ULK4: variants seen among roughly 807,000 people sequenced by gnomAD.
ULK4 encodes the protein unc-51 like kinase 4, also known as inactive serine/threonine-protein kinase ULK4.
A neutral mutation model predicts 160.6 loss-of-function variants in ULK4; 133 were observed. That is an observed-to-expected ratio of 0.83 (90% CI 0.72 to 0.96). The LOEUF (loss-of-function observed/expected upper bound fraction) is 0.96, where lower values mean the gene tolerates loss of function less well. ULK4 is among the 40% of genes least tolerant of loss of function. The pLI is 0.00. For missense variants in ULK4, 1,580 were observed against 1,499.5 expected (o/e 1.05, Z -0.89); for synonymous variants, 534 against 539.8 (o/e 0.99, Z 0.15).
At chr3:41,823,325 G>T (rs2041213097) in intron 18 of ULK4, among the ~76,000 whole-genome samples, 1 of 152,174 alleles carries the variant, frequency 6.6e-6, no homozygotes. Context: ...GAGTGAGTAG[G>T]AAGATAGTGA....
At chr3:41,645,405 T>C (rs1342791477) in intron 30 of ULK4, among the ~76,000 whole-genome samples, 2 of 152,144 alleles carry the variant, frequency 1.3e-5, no homozygotes, top group East Asian at 1.9e-4. Flanking sequence ...TTTGTTCTCG[T>C]TGGTTTCAAA....
intron 28 of ULK4, 49 bp from the exon 29 acceptor site, chr3:41,681,701 T>A (rs969175984): frequency 1.2e-6 from 2 of 1,613,656 alleles, no homozygotes; most frequent in Non-Finnish European, 1.7e-6. Flanking sequence ...GGAGACAGAA[T>A]GAAAATAGAA....
intron 17 of ULK4, among the ~76,000 whole-genome samples, chr3:41,837,448 C>A (rs552793848): frequency 5.9e-4 from 90 of 152,116 alleles, no homozygotes; most frequent in African/African-American, 2.0e-3. Flanking sequence ...CATGTATTTT[C>A]TAAATTTTAT....
intron 32 of ULK4, among the ~76,000 whole-genome samples, chr3:41,477,979 T>G (rs2084197414): frequency 6.6e-6 from 1 of 152,222 alleles, no homozygotes; most frequent in Non-Finnish European, 1.5e-5. Flanking sequence ...CAAGACCACA[T>G]AGGTGTCTAC....
intron 32 of ULK4, among the ~76,000 whole-genome samples, chr3:41,482,853 G>A (rs965966489): frequency 6.6e-6 from 1 of 152,024 alleles, no homozygotes; most frequent in Non-Finnish European, 1.5e-5. Flanking sequence ...GTGTTGTTCA[G>A]ATTTTTTTAA....
At chr3:41,372,082 A>T (rs1164059241) in intron 35 of ULK4, among the ~76,000 whole-genome samples, 1 of 151,996 alleles carries the variant, frequency 6.6e-6, no homozygotes, top group African/African-American at 2.4e-5. Flanking sequence ...AAGTGTGAAG[A>T]CAAGATTAGA....
intron 32 of ULK4, among the ~76,000 whole-genome samples, chr3:41,540,232 C>T (rs1408470036): frequency 2.0e-5 from 3 of 151,978 alleles, no homozygotes; most frequent in African/African-American, 7.2e-5. Context: ...CAATAGGCCC[C>T]AGTGTGTGAT....
At chr3:41,302,051 G>C (rs541179437) in intron 35 of ULK4, among the ~76,000 whole-genome samples, 4 of 152,158 alleles carry the variant, frequency 2.6e-5, no homozygotes, top group Non-Finnish European at 5.9e-5. Flanking sequence ...CATTTCCTAC[G>C]CTCTCAGGAA....
chr3:41,803,148 GC>G (rs1394528675), intron 19 of ULK4, among the ~76,000 whole-genome samples: 8 of 129,322 alleles, frequency 6.2e-5, no homozygotes, highest in African/African-American at 3.1e-4. Context: ...TCCAGCCTGG[GC>G]TTACAGAGCA....
At chr3:41,602,595 T>C (rs2032169222) in intron 31 of ULK4, among the ~76,000 whole-genome samples, 1 of 152,280 alleles carries the variant, frequency 6.6e-6, no homozygotes, top group Middle Eastern at 3.4e-3. Flanking sequence ...GCAACCTTTC[T>C]GTAAATCTAG....
At chr3:41,762,865 C>T (rs1277670640) in intron 21 of ULK4, among the ~76,000 whole-genome samples, 1 of 151,908 alleles carries the variant, frequency 6.6e-6, no homozygotes, top group Non-Finnish European at 1.5e-5. Context: ...CAGGGTTTCA[C>T]TGTTAGCCAG....
intron 32 of ULK4, among the ~76,000 whole-genome samples, chr3:41,521,790 T>C (rs553366189): frequency 1.3e-5 from 2 of 152,350 alleles, no homozygotes; most frequent in African/African-American, 4.8e-5. Flanking sequence ...ACACATAAAA[T>C]AGGAATCAAT....
chr3:41,284,429 G>C (rs2079421254), intron 35 of ULK4, among the ~76,000 whole-genome samples: 1 of 151,844 alleles, frequency 6.6e-6, no homozygotes, highest in Non-Finnish European at 1.5e-5. Context: ...AGAAAACCCA[G>C]AAAAAAACCC....
At chr3:41,597,407 T>A (rs1032481174) in intron 31 of ULK4, among the ~76,000 whole-genome samples, 52 of 152,348 alleles carry the variant, frequency 3.4e-4, no homozygotes, top group African/African-American at 1.2e-3. Flanking sequence ...CGGCAAATTT[T>A]ACAGCTATCT....
At chr3:41,947,154 C>T (rs1201734851) in intron 2 of ULK4, among the ~76,000 whole-genome samples, 1 of 152,098 alleles carries the variant, frequency 6.6e-6, no homozygotes. Flanking sequence ...GGTGAAACCC[C>T]GTCTCTACTA....
At chr3:41,596,357 G>A (rs1158633122) in intron 31 of ULK4, among the ~76,000 whole-genome samples, 1 of 152,164 alleles carries the variant, frequency 6.6e-6, no homozygotes, top group Non-Finnish European at 1.5e-5. Flanking sequence ...TTCAGGTGCT[G>A]GTGAAGAATA....
rs1215042433 is a variant in ULK4, at chr3:41,566,107, A to G, written c.3144T>C (p.Gly1048=). ...VTLEHQESIL[G]NTMQSVIALL... Reference sequence around the variant, plus strand: ...ATGCAATCACACTTTGCATGGTATTACCCAGAATGCTCTCCTGATGTTCCT... The same window carrying G: ...ATGCAATCACACTTTGCATGGTATTGCCCAGAATGCTCTCCTGATGTTCCT... Residue 1048 remains glycine (G), a synonymous_variant, in exon 32 of 37, where the codon GGT becomes GGC. Coordinates refer to ENST00000301831, the MANE Select transcript of ULK4 (RefSeq NM_017886.4). The G allele has an allele frequency of 6.2e-7, 1 of 1,613,536 alleles. No individual in the cohort carries two copies. Among genetic ancestry groups the G allele is most frequent in the Admixed American group, 1.7e-5 (1 of 59,934 alleles).
chr3:41,804,898 G>A (rs1419052594), intron 19 of ULK4, among the ~76,000 whole-genome samples: 3 of 152,112 alleles, frequency 2.0e-5, no homozygotes, highest in African/African-American at 2.4e-5. Flanking sequence ...TTGTAGTATA[G>A]TTTGAAGTCA....
intron 32 of ULK4, among the ~76,000 whole-genome samples, chr3:41,509,982 T>C (rs1048016623): frequency 2.0e-5 from 3 of 152,174 alleles, no homozygotes; most frequent in African/African-American, 7.2e-5. Flanking sequence ...CACATCTCAG[T>C]ACTAACGTTG....
Sources: allele counts gnomAD v4.1 joint callset (sites outside exome capture counted in the v4.1 genomes callset), GRCh38; gene constraint gnomAD v4.1.1; transcripts MANE v1.5; gene names NCBI Gene and HGNC (gene_info 2026-07-23, HGNC 2026-07-21).